Variants in BCAR3 observed in about 807,000 individuals in gnomAD.
BCAR3 encodes BCAR3 adaptor protein, NSP family member, also known as breast cancer anti-estrogen resistance protein 3.
In BCAR3, 37 loss-of-function variants were observed where a neutral mutation model predicts 80.1. That is an observed-to-expected ratio of 0.46 (90% CI 0.36 to 0.61). BCAR3 has a LOEUF of 0.61. Among genes scored for constraint, BCAR3 ranks in the 20% least tolerant of loss-of-function variants. BCAR3 has a pLI of 0.00. For synonymous variants in BCAR3, 389 were observed against 418.9 expected, an observed-to-expected ratio of 0.93 and a Z score of 0.87; for missense variants, 978 against 1,068.2, an observed-to-expected ratio of 0.92 and a Z score of 1.18.
chr1:93,602,904 C>T (rs1489993303), intron 3 of BCAR3, among the ~76,000 whole-genome samples: 2 of 152,182 alleles, frequency 1.3e-5, no homozygotes, highest in African/African-American at 4.8e-5. Context: ...GCACTTGTGG[C>T]GATCCTAAAG....
At chr1:93,677,757 G>C (rs886304215) in intron 1 of BCAR3, among the ~76,000 whole-genome samples, 2 of 152,196 alleles carry the variant, frequency 1.3e-5, no homozygotes, top group Non-Finnish European at 2.9e-5. Context: ...CAGCACTGGA[G>C]CTGCTGCATG....
chr1:93,659,894 A>G (rs1490798196), intron 2 of BCAR3, among the ~76,000 whole-genome samples: 1 of 152,154 alleles, frequency 6.6e-6, no homozygotes, highest in East Asian at 1.9e-4. Flanking sequence ...ATGAATTATA[A>G]AACTTTGTGA....
chr1:93,788,756 A>C (rs1305047041), intron 2 of BCAR3, among the ~76,000 whole-genome samples: 5 of 152,114 alleles, frequency 3.3e-5, no homozygotes, highest in African/African-American at 9.7e-5. Flanking sequence ...CCCTGCTCAA[A>C]TATTCCTATA....
intron 2 of BCAR3, among the ~76,000 whole-genome samples, chr1:93,656,688 C>T (rs1251432340): frequency 6.6e-6 from 1 of 151,280 alleles, no homozygotes; most frequent in Non-Finnish European, 1.5e-5. Context: ...ACTGCAGTCT[C>T]GACCTCCTGG....
At chr1:93,652,466 A>G (rs1270457343) in intron 2 of BCAR3, among the ~76,000 whole-genome samples, 1 of 152,132 alleles carries the variant, frequency 6.6e-6, no homozygotes, top group Non-Finnish European at 1.5e-5. Flanking sequence ...CTTTCCAGGG[A>G]GCTAGAAAAC....
chr1:93,691,092 C>T lies in BCAR3; in HGVS notation c.-12+15000G>A, dbSNP rs1018982309. Among the ~76,000 whole-genome samples the T allele has an allele frequency of 3.1e-4, 47 of 152,278 alleles. 3 individuals are homozygous for T. Among genetic ancestry groups the T allele is most frequent in the Admixed American group, 7.8e-4 (12 of 15,294 alleles). On this transcript the variant is annotated intron_variant, in intron 3 of 13. Transcript: ENST00000370244. ...TATACTCAGGAGGAGAATATGGAGCCTCAGGGATTGCCCAAGGCCACTGAG... is the reference window on the plus strand; with the variant it reads ...TATACTCAGGAGGAGAATATGGAGCTTCAGGGATTGCCCAAGGCCACTGAG...
intron 3 of BCAR3, chr1:93,613,906 G>T: frequency 6.4e-7 from 1 of 1,550,562 alleles, no homozygotes; most frequent in Non-Finnish European, 8.7e-7. Context: ...GAGAGGGCGT[G>T]GAAAGCACTG....
At chr1:93,774,803 G>A (rs1399564448) in intron 2 of BCAR3, among the ~76,000 whole-genome samples, 1 of 152,212 alleles carries the variant, frequency 6.6e-6, no homozygotes, top group Non-Finnish European at 1.5e-5. Context: ...CTTTGCTGAA[G>A]TGAAATGTAT....
At chr1:93,799,612 C>T (rs757132221) in intron 2 of BCAR3, among the ~76,000 whole-genome samples, 1 of 152,084 alleles carries the variant, frequency 6.6e-6, no homozygotes, top group Non-Finnish European at 1.5e-5. Context: ...CTTTAGATAA[C>T]TTATGTCTTG....
intron 2 of BCAR3, among the ~76,000 whole-genome samples, chr1:93,781,030 A>C (rs1182134226): frequency 6.6e-6 from 1 of 152,192 alleles, no homozygotes; most frequent in Admixed American, 6.5e-5. Flanking sequence ...CAGTAGGAAA[A>C]GAAGGGCAGC....
chr1:93,840,691 C>T (rs548390420), intron 2 of BCAR3, among the ~76,000 whole-genome samples: 32 of 152,300 alleles, frequency 2.1e-4, no homozygotes, highest in African/African-American at 6.3e-4. Context: ...CTTCCACAAA[C>T]GCATTCAGGC....
intron 4 of BCAR3, among the ~76,000 whole-genome samples, chr1:93,591,260 A>C (rs1228247245): frequency 1.4e-5 from 2 of 147,214 alleles, no homozygotes; most frequent in African/African-American, 2.5e-5. Context: ...GGATCACTTG[A>C]GGGCAGGAGT....
chr1:93,749,127 CA>C (rs1257482776), intron 2 of BCAR3, among the ~76,000 whole-genome samples: 1 of 149,260 alleles, frequency 6.7e-6, no homozygotes, highest in Admixed American at 6.7e-5. Context: ...TGTGGGCCCC[CA>C]CACACACAAA....
At chr1:93,762,978 A>G (rs1275193022) in intron 2 of BCAR3, among the ~76,000 whole-genome samples, 3 of 152,076 alleles carry the variant, frequency 2.0e-5, no homozygotes, top group Non-Finnish European at 4.4e-5. Context: ...GCCCCTTTCA[A>G]TCTATTCTCT....
chr1:93,731,493 C>T (rs986475081), intron 2 of BCAR3, among the ~76,000 whole-genome samples: 7 of 152,026 alleles, frequency 4.6e-5, no homozygotes, highest in African/African-American at 9.7e-5. Context: ...AGCCGCTGGG[C>T]CTGCTCCGCC....
chr1:93,825,682 C>G lies in BCAR3; in HGVS notation c.-63+19885G>C, dbSNP rs1392733282. The stretch of plus-strand genomic sequence containing the variant: ...GCCAAACCTCTGGAGTCAGCACCCA[C>G]TGGTGGGGCACTTGCCGACCAGCCC... On this transcript the variant is annotated intron_variant, in intron 2 of 13. Transcript: ENST00000370244. 3.8e-5 allele frequency among the ~76,000 whole-genome samples: 3 copies of G among 79,344 alleles called. 1 individual carries two copies. The highest frequency in any genetic ancestry group is 1.5e-4 in the Admixed American group (1 of 6,786). The allele number at this position is 79,344 out of a possible 152,430, so 52.1% of individuals were successfully genotyped here.
intron 2 of BCAR3, among the ~76,000 whole-genome samples, chr1:93,813,355 G>A (rs1216033452): frequency 2.6e-5 from 4 of 152,060 alleles, no homozygotes; most frequent in Non-Finnish European, 5.9e-5. Context: ...CTAAAAAGAG[G>A]CCTCACCTCA....
chr1:93,598,637 G>A (rs1438107022), intron 3 of BCAR3, among the ~76,000 whole-genome samples: 1 of 152,198 alleles, frequency 6.6e-6, no homozygotes, highest in Non-Finnish European at 1.5e-5. Flanking sequence ...CACATTCCAA[G>A]CTCTAGAAAC....
At chr1:93,843,078 G>A (rs565589915) in intron 2 of BCAR3, among the ~76,000 whole-genome samples, 4 of 152,192 alleles carry the variant, frequency 2.6e-5, no homozygotes, top group Non-Finnish European at 5.9e-5. Context: ...AAGTCCTTAA[G>A]GGTGGATGGT....
Sources: gnomAD v4.1 joint callset for allele counts (sites outside exome capture counted in the v4.1 genomes callset) on GRCh38, gnomAD v4.1.1 for gene constraint, MANE v1.5 for transcripts, NCBI Gene and HGNC (gene_info 2026-07-23, HGNC 2026-07-21) for gene names.